The following ATG2A variants were observed in gnomAD, a reference collection of about 807,000 sequenced individuals.
The protein encoded by ATG2A is autophagy related 2A.
ATG2A carries 103 observed loss-of-function variants against 214.2 expected under a neutral mutation model. That is an observed-to-expected ratio of 0.48 (90% CI 0.41 to 0.57). ATG2A has a LOEUF of 0.57. Among genes scored for constraint, ATG2A ranks in the 20% least tolerant of loss-of-function variants. The pLI is 0.00. For synonymous variants in ATG2A, 1,160 were observed against 1,142.1 expected (o/e 1.02, Z -0.32); for missense variants, 2,312 against 2,613.2 (o/e 0.88, Z 2.51).
chr11:64,914,371 GGCCGGACAC>G lies in ATG2A; in HGVS notation c.292_300del (p.Val98_Gly100del). 6.2e-7 allele frequency: 1 copy of G among 1,609,876 alleles called. No individual in the cohort carries two copies. The highest frequency in any genetic ancestry group is 8.5e-7 in the Non-Finnish European group (1 of 1,178,724). On this transcript the variant is annotated inframe_deletion, in exon 2 of 41. Coordinates refer to ENST00000377264, the MANE Select transcript of ATG2A (RefSeq NM_015104.3). ...CGGCGGGGCTGCAAGGTGAGCTGGA[GGCCGGACAC>G]GCGCACTGTGCAGTGGTCGGTGAGC...
rs1944844542 is a variant in ATG2A, at chr11:64,913,220, C to G, written c.726+46G>C. ...GAAAGGATGGGAGGGGCTCAATGGG[C>G]TCAAGGGAGAGGAGACAGGGGCTGT... On this transcript the variant is annotated intron_variant, in intron 5 of 40. Coordinates refer to ENST00000377264, the MANE Select transcript of ATG2A (RefSeq NM_015104.3). The surrounding 1 kb of genome is among the most constrained non-coding windows in gnomAD (Gnocchi z 4.3). The G allele has an allele frequency of 6.8e-6, 11 of 1,611,906 alleles. No individual in the cohort carries two copies. Among genetic ancestry groups the G allele is most frequent in the Non-Finnish European group, 9.3e-6 (11 of 1,179,662 alleles).
rs1426122058 is a variant in ATG2A at position 64,898,228 on chromosome 11, A to G, written c.4773+33T>C. 1 of 1,613,428 alleles carries G rather than the reference A, an allele frequency of 6.2e-7. No individual in the cohort carries two copies. The highest frequency in any genetic ancestry group is 1.3e-5 in the African/African-American group (1 of 74,880). On this transcript the variant is annotated intron_variant, in intron 33 of 40. Coordinates refer to ENST00000377264, the MANE Select transcript of ATG2A (RefSeq NM_015104.3). The surrounding 1 kb of genome is among the most constrained non-coding windows in gnomAD (Gnocchi z 4.5). ...TCAGAGGCCTGGAGACAGTGGGGTCACCCTAGGCTCTGCCCTCACGTAGAC... is the reference window on the plus strand; with the variant it reads ...TCAGAGGCCTGGAGACAGTGGGGTCGCCCTAGGCTCTGCCCTCACGTAGAC...
Position 64,912,912 on chromosome 11 carries a change from C to G in ATG2A, c.825+126G>C, listed in dbSNP as rs912870831. ...TGGCCTACAGCCTCAGTTTCTTTAG[C>G]TGCCAAGAAGGAAGTAAATCCCGCA... On this transcript the variant is annotated intron_variant, in intron 6 of 40. Transcript: ENST00000377264. 10 of 742,114 alleles carry G rather than the reference C, an allele frequency of 1.3e-5. No homozygotes were observed. The African/African-American group carries it at 1.6e-4, about 12-fold the overall frequency. The allele number at this position is 742,114 out of a possible 1,614,324, so 46.0% of individuals were successfully genotyped here. A position where few individuals can be genotyped will look rare whatever the true frequency, so the allele number is the denominator to read the frequency against.
chr11:64,902,746 G>T, intron 26 of ATG2A, 66 bp from the exon 27 acceptor site: 1 of 1,471,890 alleles, frequency 6.8e-7, no homozygotes, highest in Non-Finnish European at 9.3e-7. Flanking sequence ...GGCCCCACCC[G>T]CTCGCTGGGA....
chr11:64,915,021 G>A (rs1443717813), intron 1 of ATG2A, among the ~76,000 whole-genome samples: 1 of 151,938 alleles, frequency 6.6e-6, no homozygotes. Context: ...TGCAGGCACA[G>A]GACAACATGG....
At position 64,910,206 on chromosome 11, in the gene ATG2A, G is replaced by A. The variant is rs1057337112; in HGVS notation, c.1708-11C>T. Reference sequence around the variant, plus strand: ...GCGCCGGGGTCGGCTCTGAGGGCGAGGGCGTTCAGGTCAGTGAGGGCTGAG... The same window carrying A: ...GCGCCGGGGTCGGCTCTGAGGGCGAAGGCGTTCAGGTCAGTGAGGGCTGAG... On this transcript the variant is annotated splice_polypyrimidine_tract_variant and intron_variant, in intron 12 of 40. Coordinates refer to ENST00000377264, the MANE Select transcript of ATG2A (RefSeq NM_015104.3). 5 of 1,584,692 alleles carry A rather than the reference G, an allele frequency of 3.2e-6. No individual in the cohort carries two copies. In the African/African-American group the frequency reaches 4.0e-5, roughly 13 times the overall value.
In ATG2A at chr11:64,895,487, C is replaced by T. The variant is rs755924226; in HGVS notation, c.5428-45G>A. ...TGGATGAGGACAGCTGGCTGGGGCA[C>T]ACGTCAGCCCCAGGCCCCCAGGACA... On this transcript the variant is annotated intron_variant, in intron 39 of 40. Coordinates refer to ENST00000377264, the MANE Select transcript of ATG2A (RefSeq NM_015104.3). The surrounding 1 kb of genome is among the most constrained non-coding windows in gnomAD (Gnocchi z 5.0). 20 of 1,485,444 alleles carry T rather than the reference C, an allele frequency of 1.3e-5. No individual in the cohort carries two copies. Among genetic ancestry groups the T allele is most frequent in the Non-Finnish European group, 1.7e-5 (19 of 1,113,662 alleles). The allele number at this position is 1,485,444 out of a possible 1,614,324, so 92.0% of individuals were successfully genotyped here.
rs767105340 is a variant in ATG2A at position 64,897,698 on chromosome 11, A to G, written c.5040T>C (p.His1680=). The change falls in exon 36 of 41, where the codon CAT becomes CAC. Residue 1680 remains histidine (H), a synonymous_variant. Coordinates refer to ENST00000377264, the MANE Select transcript of ATG2A (RefSeq NM_015104.3). ...TSEVPIWLDY[H]GKHVTMDQVG... ...CCTGGTCCATCGTGACGTGCTTGCC[A>G]TGGTAATCCAGCCAGATGGGGACCT... is the stretch of plus-strand genomic sequence containing the variant. 3.7e-6 allele frequency: 6 copies of G among 1,614,184 alleles called. No homozygotes were observed. Among genetic ancestry groups the G allele is most frequent in the Non-Finnish European group, 5.1e-6 (6 of 1,180,008 alleles).
In ATG2A at chr11:64,900,504, T is replaced by C; in HGVS notation, c.4454A>G (p.Gln1485Arg). Reference sequence around the variant, plus strand: ...CGCCACCCCACTCACCTTGCTCAGCTGGATCTCCATGAGGACATGGTGCTG... The same window carrying C: ...CGCCACCCCACTCACCTTGCTCAGCCGGATCTCCATGAGGACATGGTGCTG... ...GRQHHVLMEI[Q>R]LSKVSFQHEV... The change falls in exon 31 of 41, where the codon CAG becomes CGG. Residue 1485 changes from glutamine to arginine, a missense_variant. Coordinates refer to ENST00000377264, the MANE Select transcript of ATG2A (RefSeq NM_015104.3). 6.2e-7 allele frequency: 1 copy of C among 1,613,572 alleles called. No homozygotes were observed. The highest frequency in any genetic ancestry group is 8.5e-7 in the Non-Finnish European group (1 of 1,180,016).
rs747487975 is a variant in ATG2A at position 64,896,546 on chromosome 11, C to T, written c.5343G>A (p.Gly1781=). 1.4e-5 allele frequency: 23 copies of T among 1,613,812 alleles called. No individual in the cohort carries two copies. Among genetic ancestry groups the T allele is most frequent in the African/African-American group, 1.2e-4 (9 of 74,942 alleles). The part of the protein sequence containing the change: ...QYRKDGRLMR[G]LQRGAASFGS... Reference sequence around the variant, plus strand: ...CAAAGGAGGCAGCCCCTCGCTGCAGCCCCCGCATGAGGCGGCCATCCTTCC... The same window carrying T: ...CAAAGGAGGCAGCCCCTCGCTGCAGTCCCCGCATGAGGCGGCCATCCTTCC... Residue 1781 remains glycine (G), a synonymous_variant, in exon 39 of 41, where the codon GGG becomes GGA. Transcript: ENST00000377264.
rs774470009 is a variant in ATG2A at position 64,910,736 on chromosome 11, G to A, written c.1615-28C>T. On this transcript the variant is annotated intron_variant, in intron 11 of 40. Coordinates refer to ENST00000377264, the MANE Select transcript of ATG2A (RefSeq NM_015104.3). ...GGGATGGGACCCGGGAGGCACACAG[G>A]GTCAGGCCTGGCCCCACAGCCACCC... 9.1e-5 allele frequency: 146 copies of A among 1,609,692 alleles called. 2 individuals are homozygous for A. The Middle Eastern group carries it at 3.6e-3, about 40-fold the overall frequency.
intron 37 of ATG2A, 89 bp from the exon 38 acceptor site, chr11:64,896,958 G>A: frequency 1.3e-6 from 2 of 1,537,016 alleles, no homozygotes; most frequent in South Asian, 1.2e-5. Context: ...GTACCCCTGT[G>A]GCAAGTACTG....
Position 64,915,142 on chromosome 11 carries a change from C to A in ATG2A, c.172-642G>T, listed in dbSNP as rs79958873. Among the ~76,000 whole-genome samples, 141 of 100,488 alleles carry A rather than the reference C, an allele frequency of 1.4e-3. 4 individuals are homozygous for A. Among genetic ancestry groups the A allele is most frequent in the African/African-American group, 5.5e-3 (136 of 24,566 alleles). The allele number at this position is 100,488 out of a possible 152,430, so 65.9% of individuals were successfully genotyped here. A position where few individuals can be genotyped will look rare whatever the true frequency, so the allele number is the denominator to read the frequency against. On this transcript the variant is annotated intron_variant, in intron 1 of 40. Transcript: ENST00000377264. ...CTAATGCCAGATGGGACCCCCCCCC[C>A]CCACCACCAACCCCAAACACCTAGT...
chr11:64,898,536 G>A lies in ATG2A; in HGVS notation c.4671+100C>T, dbSNP rs564802579. On this transcript the variant is annotated intron_variant, in intron 32 of 40. Transcript: ENST00000377264. This position sits in a 1 kb window ranked among gnomAD's most constrained non-coding sequence, Gnocchi z 4.5. ...GCTCACAAACAACCTGGGTGTTTGT[G>A]TGGGAATGCGTGTATGTGTGTGAAT... 5 of 1,436,428 alleles carry A rather than the reference G, an allele frequency of 3.5e-6. No homozygotes were observed. The Admixed American group carries it at 7.3e-5, about 21-fold the overall frequency. 89.0% of individuals were successfully genotyped at this position (1,436,428 alleles called of 1,614,324 possible). A position where few individuals can be genotyped will look rare whatever the true frequency, so the allele number is the denominator to read the frequency against.
At chr11:64,900,819 G>A in intron 30 of ATG2A, 65 bp downstream of exon 30, 2 of 1,502,058 alleles carry the variant, frequency 1.3e-6, no homozygotes, top group East Asian at 5.0e-5. Flanking sequence ...GCTGCTGAAA[G>A]TCAGACCTGG....
chr11:64,906,003 T>C, intron 22 of ATG2A, 110 bp downstream of exon 22: 1 of 1,417,986 alleles, frequency 7.1e-7, no homozygotes, highest in Non-Finnish European at 9.6e-7. Flanking sequence ...AGGTCAGCTG[T>C]GGCCCAGTCC....
chr11:64,910,679 G>T lies in ATG2A; in HGVS notation c.1644C>A (p.Ser548=). The T allele has an allele frequency of 6.2e-7, 1 of 1,610,352 alleles. No homozygotes were observed. The highest frequency in any genetic ancestry group is 1.1e-5 in the South Asian group (1 of 90,442). The change falls in exon 12 of 41, where the codon TCC becomes TCA. Residue 548 remains serine (S), a synonymous_variant. Transcript: ENST00000377264. ...GGGCGCAGGGCCGAGCTGAGGCCTG[G>T]GAGCCCAGCGTACCAGGAAAGGTCA... ...EILTFPGTLG[S]QASARPCAHL...
rs768261949 is a variant in ATG2A, at chr11:64,898,114, G to A, written c.4830C>T (p.Pro1610=). ...CAGCGGAGGTCTCCCCTGGGACCAC[G>A]GGGTTGATGCCGGCCACCAGACTAG... ...FFTSLVAGIN[P]VVPGETSAEA... The change falls in exon 34 of 41, where the codon CCC becomes CCT. Residue 1610 remains proline, a synonymous_variant. Transcript: ENST00000377264. The surrounding 1 kb of genome is among the most constrained non-coding windows in gnomAD (Gnocchi z 4.5). 3 of 1,614,110 alleles carry A rather than the reference G, an allele frequency of 1.9e-6. No homozygotes were observed. Among genetic ancestry groups the A allele is most frequent in the Non-Finnish European group, 2.5e-6 (3 of 1,180,012 alleles).
intron 1 of ATG2A, among the ~76,000 whole-genome samples, chr11:64,914,919 G>A (rs1370092764): frequency 1.3e-5 from 2 of 151,748 alleles, no homozygotes; most frequent in African/African-American, 4.9e-5. Flanking sequence ...GGGGGCCGTG[G>A]GGAAGACGCC....
Sources: allele counts gnomAD v4.1 joint callset (sites outside exome capture counted in the v4.1 genomes callset), GRCh38; gene constraint gnomAD v4.1.1; non-coding constraint Gnocchi (gnomAD v3.1); transcripts MANE v1.5; gene names NCBI Gene and HGNC (gene_info 2026-07-23, HGNC 2026-07-21).